Variants in MACF1 observed in about 807,000 individuals in gnomAD.
MACF1 encodes microtubule actin crosslinking factor 1.
A neutral mutation model predicts 854.8 loss-of-function variants in MACF1; 193 were observed. That is an observed-to-expected ratio of 0.23 (90% CI 0.20 to 0.25). The LOEUF (loss-of-function observed/expected upper bound fraction) is 0.25, where lower values mean the gene tolerates loss of function less well. MACF1 is among the 10% of genes least tolerant of loss of function. The pLI is 1.00. For missense variants in MACF1, 7,722 were observed against 8,929.1 expected, an observed-to-expected ratio of 0.86 and a Z score of 5.45; for synonymous variants, 3,185 against 3,226.7, an observed-to-expected ratio of 0.99 and a Z score of 0.44.
chr1:39,292,986 T>TGAA, intron 17 of MACF1, 143 bp downstream of exon 17: 2 of 611,470 alleles, frequency 3.3e-6, no homozygotes, highest in Non-Finnish European at 5.7e-6. Context: ...TATGCACTTA[T>TGAA]TCATATCTAT....
chr1:39,342,536 C>CTTTT (rs1422574585), intron 40 of MACF1, among the ~76,000 whole-genome samples: 8 of 133,610 alleles, frequency 6.0e-5, no homozygotes, highest in Admixed American at 7.9e-5. Flanking sequence ...GGTTGGCAAA[C>CTTTT]TTTTTTTTTT....
chr1:39,404,007 T>G (rs1354649168), intron 58 of MACF1, among the ~76,000 whole-genome samples: 2 of 151,950 alleles, frequency 1.3e-5, no homozygotes, highest in East Asian at 3.9e-4. Flanking sequence ...TGTGTGCCTG[T>G]AATCTCAGCT....
chr1:39,266,667 T>C (rs906549958), intron 6 of MACF1, among the ~76,000 whole-genome samples: 3 of 150,842 alleles, frequency 2.0e-5, no homozygotes, highest in African/African-American at 4.9e-5. Context: ...TAAGTCTTTA[T>C]GGCTTGCATG....
chr1:39,230,171 G>A (rs1205209626), intron 1 of MACF1, among the ~76,000 whole-genome samples: 1 of 152,178 alleles, frequency 6.6e-6, no homozygotes, highest in East Asian at 1.9e-4. Flanking sequence ...TGCTAAATAG[G>A]TATGTTTGGG....
intron 79 of MACF1, 127 bp from the exon 80 acceptor site, chr1:39,444,535 T>TC (rs997953594): frequency 1.9e-5 from 13 of 702,642 alleles, no homozygotes; most frequent in Non-Finnish European, 2.7e-5. Flanking sequence ...TTGAACTGAA[T>TC]CCAAAAGAAT....
chr1:39,305,284 G>GTA (rs1646147630), intron 23 of MACF1, among the ~76,000 whole-genome samples: 1 of 150,846 alleles, frequency 6.6e-6, no homozygotes. Flanking sequence ...AAAAGTGTGT[G>GTA]TGTGTATATA....
intron 2 of MACF1, among the ~76,000 whole-genome samples, chr1:39,182,627 G>C (rs899386995): frequency 6.6e-6 from 1 of 152,144 alleles, no homozygotes; most frequent in Non-Finnish European, 1.5e-5. Flanking sequence ...AACATCATTA[G>C]TTATTATGGA....
At position 39,444,753 on chromosome 1, in the gene MACF1, G is replaced by T; in HGVS notation, c.19523G>T (p.Gly6508Val). 6.2e-7 allele frequency: 1 copy of T among 1,614,106 alleles called. No individual in the cohort carries two copies. The highest frequency in any genetic ancestry group is 1.3e-5 in the African/African-American group (1 of 75,026). The change falls in exon 80 of 101, where the codon GGG (glycine) becomes GTG (valine). Residue 6508 changes from glycine (G) to valine (V), a missense_variant. Around this residue, in one of 15 missense-constraint regions of MACF1, gnomAD observed 729 missense variants for 900.5 expected, o/e 0.81. Coordinates refer to ENST00000564288, the MANE Select transcript of MACF1 (RefSeq NM_001394062.1). ...RLMLLSRDDS[G>V]SGSKTEQSVA... ...ATGCTTCTAAGCCGTGACGACTCTG[G>T]GTCTGGCTCCAAGACAGAACAGAGT...
In MACF1 at chr1:39,430,868, G is replaced by A. The variant is rs1160979962; in HGVS notation, c.17297G>A (p.Arg5766Lys). The change falls in exon 66 of 101, where the codon AGG becomes AAG. Residue 5766 changes from arginine (R) to lysine (K), a missense_variant. By Grantham distance (26) the Arg-to-Lys change is conservative. Transcript: ENST00000564288. ...YKLVSDTIGQ[R>K]VDEIDAAIQR... is the part of the protein sequence containing the mutation. ...CTAGTCAGTGACACTATTGGACAAA[G>A]GGTGGATGAAATTGATGCTGCTATT... The A allele has an allele frequency of 1.2e-6, 2 of 1,612,622 alleles. No homozygotes were observed. Among genetic ancestry groups the A allele is most frequent in the South Asian group, 1.1e-5 (1 of 91,000 alleles).
chr1:39,435,732 C>T lies in MACF1; in HGVS notation c.17959C>T (p.Leu5987=). ...KEEVRQRALA[L]DEAVSQSTQF... Reference sequence around the variant, plus strand: ...GGAGGTGCGCCAGCGAGCCCTGGCTCTGGATGAAGCCGTGTCCCAGTCCAC... The same window carrying T: ...GGAGGTGCGCCAGCGAGCCCTGGCTTTGGATGAAGCCGTGTCCCAGTCCAC... Residue 5987 remains leucine (L), a synonymous_variant, in exon 70 of 101, where the codon CTG becomes TTG. Coordinates refer to ENST00000564288, the MANE Select transcript of MACF1 (RefSeq NM_001394062.1). 6.2e-7 allele frequency: 1 copy of T among 1,614,112 alleles called. No homozygotes were observed. Among genetic ancestry groups the T allele is most frequent in the South Asian group, 1.1e-5 (1 of 91,076 alleles).
intron 2 of MACF1, among the ~76,000 whole-genome samples, chr1:39,247,545 A>G (rs1044959855): frequency 2.6e-5 from 4 of 152,096 alleles, no homozygotes; most frequent in Non-Finnish European, 4.4e-5. Flanking sequence ...TACTGTACAT[A>G]ATGGTGTGCT....
intron 60 of MACF1, among the ~76,000 whole-genome samples, chr1:39,423,449 C>T (rs1643615742): frequency 6.6e-6 from 1 of 151,994 alleles, no homozygotes; most frequent in Non-Finnish European, 1.5e-5. Context: ...TCCTGGCTAA[C>T]ACGGTGAAAC....
At position 39,310,474 on chromosome 1, in the gene MACF1, T is replaced by C. The variant is rs771802287; in HGVS notation, c.3100+46T>C. 32 of 1,560,334 alleles carry C rather than the reference T, an allele frequency of 2.1e-5. No individual in the cohort carries two copies. In the East Asian group the frequency reaches 7.0e-4, roughly 34 times the overall value. ...GAAAGAGAATAGTAGAATGAGAGCC[T>C]TTCAAGGGGTTGCTGTGAAACCCTT... is the stretch of plus-strand genomic sequence containing the variant. On this transcript the variant is annotated intron_variant, in intron 25 of 100. Transcript: ENST00000564288.
intron 58 of MACF1, among the ~76,000 whole-genome samples, chr1:39,401,849 C>T (rs1303257145): frequency 2.0e-5 from 3 of 152,136 alleles, no homozygotes; most frequent in Non-Finnish European, 2.9e-5. Context: ...TCCTTAGTAA[C>T]GAAATGAAAG....
chr1:39,413,134 G>T lies in MACF1; in HGVS notation c.15817-9240G>T, dbSNP rs375863714. On this transcript the variant is annotated intron_variant, in intron 58 of 100. Transcript: ENST00000564288. The stretch of plus-strand genomic sequence containing the variant: ...CGCAGGGTTCTCCCCAGAGTGGGCT[G>T]CTTTAGCTATTACAGTACCCATCAC... The T allele has an allele frequency of 9.9e-6, 16 of 1,611,688 alleles. No individual in the cohort carries two copies. The African/African-American group carries it at 2.0e-4, about 20-fold the overall frequency.
intron 58 of MACF1, among the ~76,000 whole-genome samples, chr1:39,403,995 G>T (rs1050181991): frequency 3.3e-5 from 5 of 151,906 alleles, no homozygotes; most frequent in Admixed American, 6.6e-5. Flanking sequence ...CAGGTGTGGT[G>T]GTGTGTGCCT....
chr1:39,301,258 C>T (rs1646033785), intron 22 of MACF1, among the ~76,000 whole-genome samples: 1 of 151,820 alleles, frequency 6.6e-6, no homozygotes, highest in Non-Finnish European at 1.5e-5. Context: ...TCCCAAGTAG[C>T]GGGGACTACA....
At chr1:39,443,392 T>C in intron 78 of MACF1, 54 bp from the exon 79 acceptor site, 1 of 1,550,070 alleles carries the variant, frequency 6.5e-7, no homozygotes, top group Non-Finnish European at 8.7e-7. Context: ...GAAAGTTGAC[T>C]TTTAAAGCTG....
chr1:39,422,382 G>C lies in MACF1; in HGVS notation c.15825G>C (p.Gln5275His), dbSNP rs1282842936. The C allele has an allele frequency of 6.2e-7, 1 of 1,613,636 alleles. No homozygotes were observed. Among genetic ancestry groups the C allele is most frequent in the African/African-American group, 1.3e-5 (1 of 74,914 alleles). The change falls in exon 59 of 101, where the codon CAG becomes CAC. Residue 5275 changes from glutamine to histidine, a missense_variant. Physicochemically the swap from Gln to His is conservative, Grantham distance 24 (BLOSUM62 0). Around this residue, in one of 15 missense-constraint regions of MACF1, gnomAD observed 2,807 missense variants for 3,235.8 expected, o/e 0.87. Coordinates refer to ENST00000564288, the MANE Select transcript of MACF1 (RefSeq NM_001394062.1). The stretch of plus-strand genomic sequence containing the variant: ...GGCTTGTAATTATCTAGATGTTTCA[G>C]AAAGAACAAGTGGATCCTCTTCAGA... ...NQQLADFKMF[Q>H]KEQVDPLQMK...
Sources: allele counts gnomAD v4.1 joint callset (sites outside exome capture counted in the v4.1 genomes callset), GRCh38; gene constraint gnomAD v4.1.1; regional missense constraint gnomAD v4.1.1; transcripts MANE v1.5; gene names NCBI Gene and HGNC (gene_info 2026-07-23, HGNC 2026-07-21).